The following NLRP12 variants were observed in gnomAD, a reference collection of about 807,000 sequenced individuals.
NLRP12 encodes the protein NACHT, LRR and PYD domains-containing protein 12.
Under a neutral mutation model 91.2 loss-of-function variants are expected in NLRP12, and 108 were observed. The ratio of observed to expected loss-of-function variants is 1.18; its 90% CI spans 1.01 to 1.39. The LOEUF (loss-of-function observed/expected upper bound fraction) is 1.39. NLRP12 is among the 40% of genes most tolerant of loss of function. NLRP12 has a pLI of 0.00. For missense variants in NLRP12, 1,530 were observed against 1,352.7 expected, an observed-to-expected ratio of 1.13 and a Z score of -2.06; for synonymous variants, 613 against 566.7, an observed-to-expected ratio of 1.08 and a Z score of -1.16.
chr19:53,801,121 GTAGCTAGAGTT>G, intron 7 of NLRP12, 95 bp downstream of exon 7: 1 of 941,194 alleles, frequency 1.1e-6, no homozygotes, highest in South Asian at 1.4e-5. Context: ...GGCTGATGTA[GTAGCTAGAGTT>G]TAGGAGCAGA....
intron 8 of NLRP12, among the ~76,000 whole-genome samples, chr19:53,797,842 G>A (rs898945599): frequency 1.3e-5 from 2 of 151,398 alleles, no homozygotes; most frequent in Admixed American, 1.3e-4. Flanking sequence ...AGGTACAAGC[G>A]ATTCTCCTGT....
intron 6 of NLRP12, among the ~76,000 whole-genome samples, chr19:53,803,113 G>GTTGGACACAGAACCCGTGGACACA (rs2091900893): frequency 6.6e-6 from 1 of 152,060 alleles, no homozygotes; most frequent in Non-Finnish European, 1.5e-5. Flanking sequence ...GACACAGAGG[G>GTTGGACACAGAACCCGTGGACACA]CTGACTGTGG....
Position 53,810,917 on chromosome 19 carries a change from A to G in NLRP12, c.742T>C (p.Phe248Leu), listed in dbSNP as rs1286975157. 1.9e-6 allele frequency: 3 copies of G among 1,614,066 alleles called. No individual in the cohort carries two copies. In the African/African-American group the frequency reaches 4.0e-5, roughly 22 times the overall value. ...TTCATCTCCCTGCAGTTGATGTAGAAGAGATAATCAAATCTGCCTTGGAAG... is the reference window on the plus strand; with the variant it reads ...TTCATCTCCCTGCAGTTGATGTAGAGGAGATAATCAAATCTGCCTTGGAAG... ...KLFQGRFDYL[F>L]YINCREMNQS... Residue 248 changes from phenylalanine (F) to leucine (L), a missense_variant, in exon 3 of 10, where the codon TTC (phenylalanine) becomes CTC (leucine). Transcript: ENST00000324134.
chr19:53,806,866 A>T (rs935139083), intron 4 of NLRP12, among the ~76,000 whole-genome samples: 107 of 26,178 alleles, frequency 4.1e-3, no homozygotes, highest in African/African-American at 6.0e-3. Flanking sequence ...TCAAAAATTT[A>T]AAAAAAAAAA....
chr19:53,820,691 A>AT (rs35015752), intron 1 of NLRP12, among the ~76,000 whole-genome samples: 31,966 of 139,776 alleles, frequency 0.23, 3,640 homozygotes, highest in African/African-American at 0.28. Context: ...AAAATAAATT[A>AT]TTTTTTTTTT....
At position 53,810,375 on chromosome 19, in the gene NLRP12, G is replaced by A. The variant is rs367627684; in HGVS notation, c.1284C>T (p.Ser428=). The change falls in exon 3 of 10, where the codon TCC becomes TCT. Residue 428 remains serine, a synonymous_variant. Coordinates refer to ENST00000324134, the MANE Select transcript of NLRP12 (RefSeq NM_144687.4). ...GCATGTACACTGCAGTGGTGGTCCT[G>A]GACGTCTGTCTCAACAGCCCCCCAC... ...LEGGGLLRQT[S]RTTTAVYMLY... is the part of the protein sequence containing the mutation. The A allele has an allele frequency of 4.4e-5, 71 of 1,613,436 alleles. No homozygotes were observed. Among genetic ancestry groups the A allele is most frequent in the Non-Finnish European group, 5.9e-5 (70 of 1,180,016 alleles).
In NLRP12 at chr19:53,819,692, T is replaced by C. The variant is rs540778933; in HGVS notation, c.289+4194A>G. ...ACATATATGTATGTATACATATATA[T>C]ACACACACACACACGTATATATATA... On this transcript the variant is annotated intron_variant, in intron 1 of 9. Transcript: ENST00000324134. Among the ~76,000 whole-genome samples, 66 of 43,626 alleles carry C rather than the reference T, an allele frequency of 1.5e-3. 24 individuals carry two copies. The highest frequency in any genetic ancestry group is 2.3e-3 in the South Asian group (3 of 1,312). 28.6% of individuals were successfully genotyped at this position (43,626 alleles called of 152,430 possible).
At position 53,805,318 on chromosome 19, in the gene NLRP12, C is replaced by CCCCA. The variant is rs2091939795; in HGVS notation, c.2375_2376insTGGG (p.Glu792AspfsTer41). On this transcript the variant is annotated frameshift_variant, in exon 5 of 10. Transcript: ENST00000324134. LOFTEE classifies it high-confidence loss of function. The stretch of plus-strand genomic sequence containing the variant: ...GCCTGCACTGGGGATGCCGCAGGCC[C>CCCCA]TCGCAAAGCAGCATCATGCCTGGGA... The CCCCA allele has an allele frequency of 1.9e-6, 3 of 1,613,954 alleles. No individual in the cohort carries two copies. In the African/African-American group the frequency reaches 4.0e-5, roughly 22 times the overall value.
intron 8 of NLRP12, 183 bp from the exon 9 acceptor site, chr19:53,796,212 G>A (rs2091757209): frequency 3.0e-6 from 2 of 656,858 alleles, no homozygotes; most frequent in Non-Finnish European, 5.6e-6. Context: ...GATTACAGGT[G>A]TGCACCACCA....
chr19:53,811,578 ATT>A (rs942990064), intron 2 of NLRP12, among the ~76,000 whole-genome samples: 5 of 144,276 alleles, frequency 3.5e-5, no homozygotes, highest in Admixed American at 1.4e-4. Context: ...AGACTGGCTA[ATT>A]TTTTTTTTTT....
chr19:53,817,366 G>A (rs569249245), intron 1 of NLRP12, among the ~76,000 whole-genome samples: 1 of 151,848 alleles, frequency 6.6e-6, no homozygotes, highest in Non-Finnish European at 1.5e-5. Context: ...GGAGTCAGAG[G>A]TTGAAGTGTG....
intron 1 of NLRP12, among the ~76,000 whole-genome samples, chr19:53,819,486 TATAC>T (rs1286195284): frequency 1.3e-4 from 2 of 14,970 alleles, no homozygotes; most frequent in Non-Finnish European, 4.5e-4. Flanking sequence ...TGTGTGTGTA[TATAC>T]ATATGTGTAT....
intron 1 of NLRP12, among the ~76,000 whole-genome samples, chr19:53,820,123 A>C (rs1278237518): frequency 1.3e-5 from 2 of 152,112 alleles, no homozygotes; most frequent in African/African-American, 4.8e-5. Flanking sequence ...CTCGGTTCCT[A>C]GCCCCAGCCA....
chr19:53,796,100 C>A, intron 8 of NLRP12, 71 bp from the exon 9 acceptor site: 2 of 1,431,406 alleles, frequency 1.4e-6, no homozygotes, highest in Non-Finnish European at 9.8e-7. Context: ...AGTGTCTCAC[C>A]CTGTCTCCCA....
chr19:53,814,827 G>T (rs370273463), intron 2 of NLRP12, 81 bp downstream of exon 2: 1 of 1,078,272 alleles, frequency 9.3e-7, no homozygotes, highest in Non-Finnish European at 1.4e-6. Context: ...CCTCAATCAC[G>T]CGTTTGTGGT....
chr19:53,807,350 G>T (rs1455961563), intron 4 of NLRP12, 145 bp downstream of exon 4: 5 of 775,056 alleles, frequency 6.5e-6, no homozygotes, highest in Admixed American at 4.8e-5. Context: ...TTACAGACGT[G>T]AGCCACGGCA....
At chr19:53,807,078 T>G (rs562595956) in intron 4 of NLRP12, among the ~76,000 whole-genome samples, 1 of 148,308 alleles carries the variant, frequency 6.7e-6, no homozygotes, top group South Asian at 2.1e-4. Context: ...GGCACTTTTT[T>G]CCCCCCTGAG....
intron 6 of NLRP12, among the ~76,000 whole-genome samples, chr19:53,803,240 GAC>G (rs999958018): frequency 1.3e-5 from 2 of 151,472 alleles, no homozygotes; most frequent in Non-Finnish European, 2.9e-5. Flanking sequence ...GGAGTGCAAT[GAC>G]ACAGTGTTGG....
intron 6 of NLRP12, chr19:53,803,586 T>C (rs1453693570): frequency 2.9e-6 from 1 of 347,732 alleles, no homozygotes; most frequent in Non-Finnish European, 5.6e-6. Context: ...TTCTACTTTG[T>C]TTTTTGAGAT....
Sources: gnomAD v4.1 joint callset for allele counts (sites outside exome capture counted in the v4.1 genomes callset) on GRCh38, gnomAD v4.1.1 for gene constraint, MANE v1.5 for transcripts, NCBI Gene and HGNC (gene_info 2026-07-23, HGNC 2026-07-21) for gene names.